The following TANC2 variants were observed in gnomAD, a reference collection of about 807,000 sequenced individuals.
TANC2 encodes tetratricopeptide repeat, ankyrin repeat and coiled-coil containing 2.
A neutral mutation model predicts 210.5 loss-of-function variants in TANC2; 26 were observed. That is an observed-to-expected ratio of 0.12 (90% CI 0.09 to 0.17). TANC2 has a LOEUF of 0.17. Ranked by LOEUF, TANC2 falls within the 10% of genes least tolerant of loss-of-function variation. The pLI, the probability that TANC2 is intolerant of heterozygous loss-of-function variation, is 1.00. For synonymous variants in TANC2, 931 were observed against 967.1 expected (o/e 0.96, Z 0.69); for missense variants, 2,129 against 2,608.9 (o/e 0.82, Z 4.01).
At chr17:63,171,736 C>T (rs1381654318) in intron 5 of TANC2, among the ~76,000 whole-genome samples, 2 of 152,178 alleles carry the variant, frequency 1.3e-5, no homozygotes, top group Non-Finnish European at 2.9e-5. Flanking sequence ...GCACATAATA[C>T]ATTTTTGTAT....
intron 2 of TANC2, among the ~76,000 whole-genome samples, chr17:63,020,892 G>A (rs765614232): frequency 4.6e-5 from 7 of 152,190 alleles, no homozygotes; most frequent in Admixed American, 3.9e-4. Flanking sequence ...GCAGGATCAA[G>A]TGTGTCACAT....
chr17:63,073,352 T>C (rs534664291), intron 2 of TANC2, among the ~76,000 whole-genome samples: 1 of 152,236 alleles, frequency 6.6e-6, no homozygotes, highest in South Asian at 2.1e-4. Flanking sequence ...TGAGGGAATA[T>C]ACTGTTTTGG....
chr17:63,135,967 T>C (rs2039076615), intron 4 of TANC2, among the ~76,000 whole-genome samples: 2 of 152,172 alleles, frequency 1.3e-5, no homozygotes, highest in Non-Finnish European at 2.9e-5. Flanking sequence ...GATTTGTATA[T>C]GCAAAAATAA....
intron 11 of TANC2, among the ~76,000 whole-genome samples, chr17:63,326,165 C>T (rs765149952): frequency 1.1e-4 from 17 of 152,068 alleles, no homozygotes; most frequent in African/African-American, 1.4e-4. Context: ...TAAATCAAAA[C>T]GGTGTGTTTC....
chr17:62,971,737 G>A (rs1473387519), intron 1 of TANC2, among the ~76,000 whole-genome samples: 1 of 152,220 alleles, frequency 6.6e-6, no homozygotes, highest in African/African-American at 2.4e-5. Context: ...CAGCATTACT[G>A]TGTGAGCACC....
chr17:63,319,878 C>T (rs1203482646), intron 11 of TANC2, among the ~76,000 whole-genome samples: 1 of 152,208 alleles, frequency 6.6e-6, no homozygotes, highest in Non-Finnish European at 1.5e-5. Flanking sequence ...TCTCCACAGG[C>T]AGCCACTTTT....
chr17:62,975,543 CT>C (rs1326499810), intron 1 of TANC2, among the ~76,000 whole-genome samples: 12 of 141,794 alleles, frequency 8.5e-5, no homozygotes, highest in South Asian at 6.8e-4. Flanking sequence ...CATTTTCGGG[CT>C]TTTTTTTTTA....
At chr17:63,367,184 A>G (rs2047135011) in intron 14 of TANC2, among the ~76,000 whole-genome samples, 1 of 152,178 alleles carries the variant, frequency 6.6e-6, no homozygotes. Context: ...CATTCATGAA[A>G]CACAAAACAC....
intron 3 of TANC2, among the ~76,000 whole-genome samples, chr17:63,091,974 A>G (rs1275294446): frequency 6.6e-6 from 1 of 152,098 alleles, no homozygotes; most frequent in Non-Finnish European, 1.5e-5. Flanking sequence ...CTTTGTAGCA[A>G]TTGTGAATGG....
intron 4 of TANC2, among the ~76,000 whole-genome samples, chr17:63,128,511 C>CA (rs1458468713): frequency 1.3e-5 from 2 of 151,980 alleles, no homozygotes; most frequent in Admixed American, 6.6e-5. Flanking sequence ...GCAGTTTACA[C>CA]AAAAAAGAAA....
chr17:63,414,524 T>G (rs1054881606), intron 25 of TANC2, among the ~76,000 whole-genome samples: 1 of 152,206 alleles, frequency 6.6e-6, no homozygotes, highest in African/African-American at 2.4e-5. Flanking sequence ...ATGTCATATT[T>G]ATGGACTTCA....
chr17:63,080,497 G>A (rs943815731), intron 3 of TANC2, among the ~76,000 whole-genome samples: 12 of 152,204 alleles, frequency 7.9e-5, no homozygotes, highest in African/African-American at 2.9e-4. Context: ...CTGGAAGATG[G>A]GAAAATGCGG....
chr17:63,086,120 C>T (rs2036956271), intron 3 of TANC2, among the ~76,000 whole-genome samples: 1 of 151,380 alleles, frequency 6.6e-6, no homozygotes, highest in Non-Finnish European at 1.5e-5. Flanking sequence ...TCTTTGCTTT[C>T]CTGTAGGTAA....
At chr17:62,979,341 G>T (rs1368086342) in intron 1 of TANC2, among the ~76,000 whole-genome samples, 1 of 151,964 alleles carries the variant, frequency 6.6e-6, no homozygotes. Flanking sequence ...TTAAAGTAAA[G>T]ATCTTTTACC....
intron 9 of TANC2, among the ~76,000 whole-genome samples, chr17:63,269,099 C>G (rs780532044): frequency 1.6e-4 from 25 of 152,186 alleles, no homozygotes; most frequent in Non-Finnish European, 3.4e-4. Flanking sequence ...GCTGTCCACT[C>G]TAGACATCAT....
At chr17:63,339,365 G>A (rs1013873372) in intron 11 of TANC2, among the ~76,000 whole-genome samples, 3 of 152,176 alleles carry the variant, frequency 2.0e-5, no homozygotes, top group Admixed American at 2.0e-4. Context: ...TGGGGTGAGT[G>A]CTGTGCAGAT....
intron 3 of TANC2, among the ~76,000 whole-genome samples, chr17:63,084,995 G>A (rs2036907286): frequency 6.6e-6 from 1 of 152,136 alleles, no homozygotes; most frequent in Non-Finnish European, 1.5e-5. Context: ...ATAACCAGTT[G>A]ATGGATGGTG....
chr17:63,267,741 T>A lies in TANC2; in HGVS notation c.1034-7T>A. 1 of 1,610,782 alleles carries A rather than the reference T, an allele frequency of 6.2e-7. No homozygotes were observed. Among genetic ancestry groups the A allele is most frequent in the Non-Finnish European group, 8.5e-7 (1 of 1,178,364 alleles). On this transcript the variant is annotated splice_polypyrimidine_tract_variant and splice_region_variant and intron_variant, in intron 8 of 27. Coordinates refer to ENST00000689528, the Ensembl canonical transcript of TANC2. ...AATATTCTAACTAAACTTTTCTTTCTTGTCAGCCACCAGCTCTGCCCACTT... is the reference window on the plus strand; with the variant it reads ...AATATTCTAACTAAACTTTTCTTTCATGTCAGCCACCAGCTCTGCCCACTT...
intron 3 of TANC2, among the ~76,000 whole-genome samples, chr17:63,084,622 T>A (rs1028874273): frequency 1.6e-4 from 25 of 152,148 alleles, no homozygotes; most frequent in African/African-American, 5.8e-4. Context: ...TTTTCTAATA[T>A]ATATTAAGCA....
Sources: allele counts gnomAD v4.1 joint callset (sites outside exome capture counted in the v4.1 genomes callset), GRCh38; gene constraint gnomAD v4.1.1; transcripts MANE v1.5; gene names NCBI Gene and HGNC (gene_info 2026-07-23, HGNC 2026-07-21).